CLRN1: variants seen among roughly 807,000 people sequenced by gnomAD.
CLRN1 encodes clarin-1.
A neutral mutation model predicts 18.7 loss-of-function variants in CLRN1; 15 were observed. The ratio of observed to expected loss-of-function variants is 0.80; its 90% confidence interval spans 0.54 to 1.23. The LOEUF (loss-of-function observed/expected upper bound fraction) is 1.23. Ranked by LOEUF, CLRN1 falls within the 50% of genes most tolerant of loss-of-function variation. CLRN1 has a pLI of 0.00. For synonymous variants in CLRN1, 104 were observed against 102.9 expected, an observed-to-expected ratio of 1.01 and a Z score of -0.07; for missense variants, 311 against 277.5, an observed-to-expected ratio of 1.12 and a Z score of -0.86.
intron 1 of CLRN1, among the ~76,000 whole-genome samples, chr3:150,953,646 T>C (rs1445793390): frequency 6.6e-6 from 1 of 152,094 alleles, no homozygotes; most frequent in Non-Finnish European, 1.5e-5. Flanking sequence ...GCCACTCAAG[T>C]AGCTGGGATT....
At chr3:150,957,246 C>G (rs1015311514) in intron 1 of CLRN1, among the ~76,000 whole-genome samples, 8 of 147,770 alleles carry the variant, frequency 5.4e-5, no homozygotes, top group Non-Finnish European at 1.2e-4. Context: ...TATACACACA[C>G]ACACACACAC....
intron 1 of CLRN1, among the ~76,000 whole-genome samples, chr3:150,948,761 C>T (rs1714325294): frequency 6.6e-6 from 1 of 152,054 alleles, no homozygotes; most frequent in Non-Finnish European, 1.5e-5. Context: ...GGCTTCACAG[C>T]CAAACTCTAC....
At chr3:150,963,594 C>T (rs1715130402) in intron 1 of CLRN1, among the ~76,000 whole-genome samples, 1 of 152,104 alleles carries the variant, frequency 6.6e-6, no homozygotes, top group African/African-American at 2.4e-5. Flanking sequence ...CAAAAAAGAG[C>T]CTGAATAGTC....
chr3:150,948,002 A>G (rs557850321), intron 1 of CLRN1, among the ~76,000 whole-genome samples: 4 of 152,322 alleles, frequency 2.6e-5, no homozygotes, highest in South Asian at 4.1e-4. Flanking sequence ...AGAAGCAAGA[A>G]CAAGTCAACC....
chr3:150,926,389 T>C, downstream of CLRN1: 1 of 285,448 alleles, frequency 3.5e-6, no homozygotes, highest in East Asian at 9.0e-5. Context: ...CAGGAGACGG[T>C]CCTTGTCCTC....
intron 1 of CLRN1, among the ~76,000 whole-genome samples, chr3:150,954,375 T>A (rs1386310907): frequency 6.6e-6 from 1 of 152,226 alleles, no homozygotes; most frequent in Non-Finnish European, 1.5e-5. Context: ...TTCCCAAGTG[T>A]CTAATGATGT....
At chr3:150,939,734 G>T (rs1230064667) in intron 2 of CLRN1, among the ~76,000 whole-genome samples, 1 of 152,182 alleles carries the variant, frequency 6.6e-6, no homozygotes, top group Non-Finnish European at 1.5e-5. Flanking sequence ...TCTGTGTAAT[G>T]GTCATCAGTA....
chr3:150,966,203 A>G (rs1715249423), intron 1 of CLRN1, among the ~76,000 whole-genome samples: 1 of 152,126 alleles, frequency 6.6e-6, no homozygotes, highest in African/African-American at 2.4e-5. Context: ...GGTCCCTTCT[A>G]CTCAGGAGGC....
intron 1 of CLRN1, among the ~76,000 whole-genome samples, chr3:150,966,852 G>A (rs1715283485): frequency 6.6e-6 from 1 of 152,186 alleles, no homozygotes; most frequent in Non-Finnish European, 1.5e-5. Flanking sequence ...GTCATCATGT[G>A]ACTAAGATTA....
chr3:150,934,805 TTC>T (rs988415025), intron 2 of CLRN1, among the ~76,000 whole-genome samples: 1 of 151,686 alleles, frequency 6.6e-6, no homozygotes, highest in East Asian at 1.9e-4. Flanking sequence ...CCTCCTTAAG[TTC>T]TCTCTCTCTC....
At chr3:150,929,913 C>T (rs574968612) in intron 2 of CLRN1, among the ~76,000 whole-genome samples, 6 of 152,278 alleles carry the variant, frequency 3.9e-5, no homozygotes, top group East Asian at 1.9e-4. Flanking sequence ...CAGGTAAATG[C>T]TTTTTACTCT....
intron 1 of CLRN1, among the ~76,000 whole-genome samples, chr3:150,947,562 C>T (rs2107962064): frequency 6.6e-6 from 1 of 152,238 alleles, no homozygotes. Flanking sequence ...ATCTAATAGA[C>T]CTCTACAGAA....
chr3:150,933,874 C>A (rs1713306287), intron 2 of CLRN1, among the ~76,000 whole-genome samples: 1 of 152,186 alleles, frequency 6.6e-6, no homozygotes, highest in African/African-American at 2.4e-5. Flanking sequence ...AAATTCTTTG[C>A]CCATTGCCAA....
chr3:150,965,435 T>C (rs1176220277), intron 1 of CLRN1, among the ~76,000 whole-genome samples: 6 of 152,222 alleles, frequency 3.9e-5, no homozygotes, highest in Admixed American at 2.6e-4. Flanking sequence ...ATCATAATAT[T>C]AATTATAGTA....
chr3:150,946,704 CTTT>C (rs34471891), intron 1 of CLRN1, among the ~76,000 whole-genome samples: 2 of 110,730 alleles, frequency 1.8e-5, no homozygotes, highest in East Asian at 2.5e-4. Flanking sequence ...CAGACCATTT[CTTT>C]TTTTTTTTTT....
intron 1 of CLRN1, among the ~76,000 whole-genome samples, chr3:150,970,526 A>G (rs1430786263): frequency 2.6e-5 from 4 of 152,002 alleles, no homozygotes; most frequent in Non-Finnish European, 4.4e-5. Context: ...GGAAAAAAAA[A>G]AAAGCTCTAC....
chr3:150,965,700 C>T (rs1715230689), intron 1 of CLRN1, among the ~76,000 whole-genome samples: 1 of 152,194 alleles, frequency 6.6e-6, no homozygotes. Flanking sequence ...GAACCTGCCC[C>T]TGTCAGACTC....
rs1009869729 is a variant in CLRN1 at position 150,954,943 on chromosome 3, A to C, written c.254-13182T>G. ...ATTGAAAACATGTGTCCACACAAAA[A>C]TCTGTATGCAAATGTTTACTTTATT... is the stretch of plus-strand genomic sequence containing the variant. On this transcript the variant is annotated intron_variant, in intron 1 of 2. Coordinates refer to ENST00000327047, the MANE Select transcript of CLRN1 (RefSeq NM_174878.3). Among the ~76,000 whole-genome samples, 8 of 152,360 alleles carry C rather than the reference A, an allele frequency of 5.3e-5. No homozygotes were observed. In the East Asian group the frequency reaches 1.5e-3, roughly 29 times the overall value.
intron 2 of CLRN1, among the ~76,000 whole-genome samples, chr3:150,939,825 T>C (rs759830901): frequency 3.3e-5 from 5 of 152,154 alleles, no homozygotes; most frequent in Non-Finnish European, 5.9e-5. Context: ...TCTTCTCATC[T>C]GGACTTTCAC....
Sources: gnomAD v4.1 joint callset for allele counts (sites outside exome capture counted in the v4.1 genomes callset) on GRCh38, gnomAD v4.1.1 for gene constraint, MANE v1.5 for transcripts, NCBI Gene and HGNC (gene_info 2026-07-23, HGNC 2026-07-21) for gene names.